Variants in VDAC1 observed in about 807,000 individuals in gnomAD.
VDAC1 encodes the protein non-selective voltage-gated ion channel VDAC1.
In VDAC1, 10 loss-of-function variants were observed where a neutral mutation model predicts 34.7. The observed-to-expected ratio is 0.29, with a 90% confidence interval of 0.18 to 0.49. The LOEUF (loss-of-function observed/expected upper bound fraction) is 0.49, where lower values mean the gene tolerates loss of function less well. Ranked by LOEUF, VDAC1 falls within the 20% of genes least tolerant of loss-of-function variation. VDAC1 has a pLI of 0.99. For synonymous variants in VDAC1, 130 were observed against 136.0 expected (o/e 0.96, Z 0.30); for missense variants, 230 against 347.9 (o/e 0.66, Z 2.69).
At chr5:134,101,118 G>C in the VDAC1 span, among the ~76,000 whole-genome samples, 1 of 152,258 alleles carries the variant, frequency 6.6e-6, no homozygotes, top group Non-Finnish European at 1.5e-5. Context: ...AGGATGCCCT[G>C]AAGTCCTTGA....
chr5:133,979,414 ATT>A (rs1273336080), intron 6 of VDAC1, among the ~76,000 whole-genome samples: 1 of 72,184 alleles, frequency 1.4e-5, no homozygotes, highest in East Asian at 4.0e-4. Context: ...TAAAATTGAT[ATT>A]TTCTTTGCTT....
the VDAC1 span, among the ~76,000 whole-genome samples, chr5:134,100,537 C>T: frequency 6.6e-6 from 1 of 152,200 alleles, no homozygotes; most frequent in South Asian, 2.1e-4. Flanking sequence ...CTGCAGCCTC[C>T]TGCCTAGAGG....
intron 1 of VDAC1, among the ~76,000 whole-genome samples, chr5:133,993,937 CAGG>C (rs2126985169): frequency 6.6e-6 from 1 of 152,240 alleles, no homozygotes; most frequent in Admixed American, 6.5e-5. Flanking sequence ...GTGCTCTGCC[CAGG>C]AGGAGAGGGG....
chr5:134,018,103 G>A, the VDAC1 span, among the ~76,000 whole-genome samples: 1 of 152,164 alleles, frequency 6.6e-6, no homozygotes, highest in African/African-American at 2.4e-5. Context: ...ACTGGCTCAT[G>A]GTTCTTCTGC....
chr5:133,981,045 T>C, intron 5 of VDAC1, 89 bp from the exon 6 acceptor site: 1 of 1,161,436 alleles, frequency 8.6e-7, no homozygotes, highest in Non-Finnish European at 1.2e-6. Context: ...CCAGGTCAAA[T>C]AAAGGGAGTG....
At chr5:134,019,056 T>C in the VDAC1 span, among the ~76,000 whole-genome samples, 1 of 152,182 alleles carries the variant, frequency 6.6e-6, no homozygotes, top group Non-Finnish European at 1.5e-5. Flanking sequence ...GATTTTAATC[T>C]GTATCCTTCC....
the VDAC1 span, among the ~76,000 whole-genome samples, chr5:134,078,031 A>G: frequency 9.1e-4 from 138 of 152,336 alleles, 1 homozygote; most frequent in Admixed American, 4.8e-3. Context: ...GGAGTCTGTC[A>G]CATGCTACAA....
chr5:133,985,842 AT>A (rs1752887894), intron 5 of VDAC1, among the ~76,000 whole-genome samples: 1 of 152,104 alleles, frequency 6.6e-6, no homozygotes, highest in Non-Finnish European at 1.5e-5. Flanking sequence ...TCCTTTTTCA[AT>A]TTTTAATAAA....
At chr5:134,005,339 C>A (rs1253477462), upstream of VDAC1, 3 of 152,276 alleles carry the variant, frequency 2.0e-5, no homozygotes, top group East Asian at 5.8e-4. Flanking sequence ...GGCGCAGATA[C>A]AGAGTAGAGG....
the VDAC1 span, among the ~76,000 whole-genome samples, chr5:134,098,189 T>C: frequency 3.4e-5 from 5 of 147,858 alleles, no homozygotes; most frequent in African/African-American, 1.0e-4. Context: ...TTATTATTAT[T>C]ATTATTATTA....
At chr5:134,026,305 A>C in the VDAC1 span, among the ~76,000 whole-genome samples, 7 of 152,242 alleles carry the variant, frequency 4.6e-5, no homozygotes, top group African/African-American at 1.7e-4. Flanking sequence ...CAGAAGATCA[A>C]GACCATCCTG....
chr5:134,102,143 G>A, the VDAC1 span, among the ~76,000 whole-genome samples: 2 of 152,106 alleles, frequency 1.3e-5, no homozygotes, highest in African/African-American at 4.8e-5. Flanking sequence ...TGAGAGGCAC[G>A]GCCCCTTCCA....
chr5:133,972,621 A>G lies in VDAC1; in HGVS notation c.*150T>C. The stretch of plus-strand genomic sequence containing the variant: ...TTTCTTCTGTACCTCTGGAAGGGTA[A>G]CATCTTAAAGCTGAATCAACTTTAA... On this transcript the variant is annotated 3_prime_UTR_variant, in exon 9 of 9. Transcript: ENST00000265333. The G allele has an allele frequency of 3.0e-6, 2 of 664,718 alleles. No individual in the cohort carries two copies. The highest frequency in any genetic ancestry group is 4.5e-5 in the South Asian group (2 of 44,806). 41.2% of individuals were successfully genotyped at this position (664,718 alleles called of 1,614,324 possible).
chr5:134,047,996 G>A, the VDAC1 span, among the ~76,000 whole-genome samples: 1 of 150,604 alleles, frequency 6.6e-6, no homozygotes, highest in African/African-American at 2.4e-5. Flanking sequence ...TCCAGCCTGG[G>A]CAACAGAGTG....
the VDAC1 span, among the ~76,000 whole-genome samples, chr5:134,093,866 G>A: frequency 3.3e-5 from 5 of 152,212 alleles, no homozygotes; most frequent in Non-Finnish European, 5.9e-5. Flanking sequence ...AGAGAGGGAT[G>A]GAAAGTGGCC....
At chr5:134,026,516 G>GA in the VDAC1 span, among the ~76,000 whole-genome samples, 2,005 of 72,238 alleles carry the variant, frequency 0.028, 43 homozygotes, top group African/African-American at 0.034. Context: ...CTCCGTCTCA[G>GA]AAAAAAAAAA....
chr5:134,013,659 A>C, the VDAC1 span, among the ~76,000 whole-genome samples: 1 of 152,182 alleles, frequency 6.6e-6, no homozygotes, highest in Non-Finnish European at 1.5e-5. Context: ...AAGTGGGCAG[A>C]GGGCTGGGCA....
At chr5:134,035,981 G>C in the VDAC1 span, among the ~76,000 whole-genome samples, 1 of 143,628 alleles carries the variant, frequency 7.0e-6, no homozygotes, top group Non-Finnish European at 1.5e-5. Flanking sequence ...ACTCCAACCC[G>C]GACAACAGAG....
chr5:134,076,333 A>G, the VDAC1 span, among the ~76,000 whole-genome samples: 1 of 152,206 alleles, frequency 6.6e-6, no homozygotes, highest in Non-Finnish European at 1.5e-5. Context: ...GGATCCTCAC[A>G]TCGTGTGGAG....
Sources: gnomAD v4.1 joint callset for allele counts (sites outside exome capture counted in the v4.1 genomes callset) on GRCh38, gnomAD v4.1.1 for gene constraint, MANE v1.5 for transcripts, NCBI Gene and HGNC (gene_info 2026-07-23, HGNC 2026-07-21) for gene names.